Variants in SETD3 observed in about 807,000 individuals in gnomAD.
SETD3 encodes the protein actin-histidine N-methyltransferase.
SETD3 carries 19 observed loss-of-function variants against 63.0 expected under a neutral mutation model. The observed-to-expected ratio is 0.30, with a 90% CI of 0.21 to 0.44. The LOEUF (loss-of-function observed/expected upper bound fraction) is 0.44, where lower values mean the gene tolerates loss of function less well. Among genes scored for constraint, SETD3 ranks in the 20% least tolerant of loss-of-function variants. SETD3 has a pLI of 1.00. For missense variants in SETD3, 587 were observed against 728.5 expected (o/e 0.81, Z 2.24); for synonymous variants, 286 against 264.1 (o/e 1.08, Z -0.80).
intron 6 of SETD3, among the ~76,000 whole-genome samples, chr14:99,428,329 C>G (rs913333443): frequency 8.5e-5 from 13 of 152,170 alleles, no homozygotes; most frequent in Non-Finnish European, 7.4e-5. Context: ...GAAAAGTAAT[C>G]TGCCAAAGGA....
At chr14:99,438,926 A>C (rs917815216) in intron 6 of SETD3, among the ~76,000 whole-genome samples, 2 of 152,250 alleles carry the variant, frequency 1.3e-5, no homozygotes, top group Admixed American at 1.3e-4. Context: ...GCTTCAGGTT[A>C]ATTACATCAG....
upstream of SETD3, chr14:99,480,941 G>A (rs1896283975): frequency 6.6e-6 from 1 of 152,376 alleles, no homozygotes; most frequent in African/African-American, 2.4e-5. Context: ...GCCGTTCATT[G>A]GCCCACGCTT....
At position 99,461,289 on chromosome 14, in the gene SETD3, A is replaced by G; in HGVS notation, c.248T>C (p.Met83Thr). 6.2e-7 allele frequency: 1 copy of G among 1,614,186 alleles called. No individual in the cohort carries two copies. Among genetic ancestry groups the G allele is most frequent in the Non-Finnish European group, 8.5e-7 (1 of 1,180,030 alleles). ...AGCCCCATTTTCAGAGGCCCATTTC[A>G]TTAGATCAGGAAAGTAATCTTCTCT... ...GKREDYFPDL[M>T]KWASENGASV... Residue 83 changes from methionine (M) to threonine (T), a missense_variant, in exon 4 of 13, where the codon ATG (methionine) becomes ACG (threonine). Coordinates refer to ENST00000331768, the MANE Select transcript of SETD3 (RefSeq NM_032233.3).
intron 6 of SETD3, among the ~76,000 whole-genome samples, chr14:99,452,207 A>G (rs1307646961): frequency 1.3e-5 from 2 of 152,162 alleles, no homozygotes; most frequent in African/African-American, 2.4e-5. Context: ...CCCGGGTTCA[A>G]GCAATTCTCC....
At chr14:99,408,100 G>C (rs1439438152) in intron 8 of SETD3, among the ~76,000 whole-genome samples, 5 of 152,144 alleles carry the variant, frequency 3.3e-5, no homozygotes, top group Admixed American at 6.5e-5. Flanking sequence ...TTGCTAATAA[G>C]GTATCAATAG....
At chr14:99,460,298 G>T (rs1206362717) in intron 4 of SETD3, among the ~76,000 whole-genome samples, 1 of 151,978 alleles carries the variant, frequency 6.6e-6, no homozygotes, top group Admixed American at 6.6e-5. Context: ...AGGTTTGAGG[G>T]GGCCCAAATA....
At chr14:99,469,541 T>C (rs8007964) in intron 1 of SETD3, among the ~76,000 whole-genome samples, 148,304 of 152,336 alleles carry the variant, frequency 0.97, 72,307 homozygotes, top group East Asian at 1. Flanking sequence ...CCCAGGAGTT[T>C]GAGACCAGCC....
rs144996650 is a variant in SETD3, at chr14:99,442,723, A to G, written c.675+15556T>C. On this transcript the variant is annotated intron_variant, in intron 6 of 12. Transcript: ENST00000331768. ...TTAGCAGACAACATATGTGTTAATC[A>G]ACTGTTTGCGTTACTGGTAAGGCCT... 3.5e-4 allele frequency among the ~76,000 whole-genome samples: 53 copies of G among 152,358 alleles called. No individual in the cohort carries two copies. The East Asian group carries it at 0.01, about 29-fold the overall frequency.
chr14:99,462,197 A>C (rs1302812452), intron 3 of SETD3, among the ~76,000 whole-genome samples: 1 of 152,212 alleles, frequency 6.6e-6, no homozygotes, highest in Non-Finnish European at 1.5e-5. Context: ...TGAGAATACA[A>C]CTTTGACATG....
intron 6 of SETD3, among the ~76,000 whole-genome samples, chr14:99,425,067 T>C (rs1892809450): frequency 6.6e-6 from 1 of 152,178 alleles, no homozygotes. Flanking sequence ...GGAGGGCTGA[T>C]GGACTAAATC....
intron 3 of SETD3, among the ~76,000 whole-genome samples, chr14:99,462,812 T>C (rs1014268602): frequency 1.3e-5 from 2 of 152,154 alleles, no homozygotes; most frequent in African/African-American, 4.8e-5. Flanking sequence ...ACAAACCCTC[T>C]CCTGAGGCCC....
rs1892391571 is a variant in SETD3, at chr14:99,418,370, T to TTAATTAGTCAGGGAC, written c.676-4451_676-4437dup. On this transcript the variant is annotated intron_variant, in intron 6 of 12. Transcript: ENST00000331768. ...AAGAGATAGTCAGGGACTATCTCTT[T>TTAATTAGTCAGGGAC]TAATTAGTCAGGGACTAATTAGCCA... 2.6e-5 allele frequency among the ~76,000 whole-genome samples: 4 copies of TTAATTAGTCAGGGAC among 152,178 alleles called. No homozygotes were observed. The South Asian group carries it at 8.3e-4, about 32-fold the overall frequency.
chr14:99,455,021 G>A (rs1408813082), intron 6 of SETD3, among the ~76,000 whole-genome samples: 1 of 152,244 alleles, frequency 6.6e-6, no homozygotes, highest in African/African-American at 2.4e-5. Context: ...CAAACTCAGA[G>A]AAGTAAAGCA....
chr14:99,439,156 C>T (rs1025327357), intron 6 of SETD3, among the ~76,000 whole-genome samples: 8 of 152,234 alleles, frequency 5.3e-5, no homozygotes, highest in South Asian at 2.1e-4. Flanking sequence ...GAGATTCAGG[C>T]GACAGACTCA....
intron 6 of SETD3, among the ~76,000 whole-genome samples, chr14:99,419,611 T>C (rs1892469692): frequency 6.6e-6 from 1 of 151,652 alleles, no homozygotes; most frequent in African/African-American, 2.4e-5. Context: ...CCGTCTCTAC[T>C]AAAAATACAA....
intron 6 of SETD3, among the ~76,000 whole-genome samples, chr14:99,428,443 G>A (rs180784724): frequency 6.6e-6 from 1 of 152,210 alleles, no homozygotes; most frequent in African/African-American, 2.4e-5. Flanking sequence ...TGAGGAATTC[G>A]AGATCAGCCT....
At chr14:99,446,131 C>T (rs1894116852) in intron 6 of SETD3, among the ~76,000 whole-genome samples, 1 of 152,132 alleles carries the variant, frequency 6.6e-6, no homozygotes, top group South Asian at 2.1e-4. Context: ...CTTTCCTGTT[C>T]CTACACCTGC....
At chr14:99,424,951 C>G (rs935384466) in intron 6 of SETD3, among the ~76,000 whole-genome samples, 1 of 152,052 alleles carries the variant, frequency 6.6e-6, no homozygotes, top group African/African-American at 2.4e-5. Flanking sequence ...CTGGAAACTT[C>G]ACAACACTCA....
intron 6 of SETD3, among the ~76,000 whole-genome samples, chr14:99,425,677 T>C (rs1421655818): frequency 2.0e-5 from 3 of 152,186 alleles, no homozygotes; most frequent in African/African-American, 4.8e-5. Context: ...TGTCAGAAAA[T>C]AGCAATCCAG....
Sources: gnomAD v4.1 joint callset for allele counts (sites outside exome capture counted in the v4.1 genomes callset) on GRCh38, gnomAD v4.1.1 for gene constraint, MANE v1.5 for transcripts, NCBI Gene and HGNC (gene_info 2026-07-23, HGNC 2026-07-21) for gene names.